WDR83: variants seen among roughly 807,000 people sequenced by gnomAD.
WDR83 encodes WD repeat domain-containing protein 83.
WDR83 carries 37 observed loss-of-function variants against 37.7 expected under a neutral mutation model. The observed-to-expected ratio is 0.98, with a 90% confidence interval of 0.76 to 1.29. WDR83 has a LOEUF of 1.29. Among genes scored for constraint, WDR83 ranks in the 50% most tolerant of loss-of-function variants. WDR83 has a pLI of 0.00. For missense variants in WDR83, 445 were observed against 414.4 expected (o/e 1.07, Z -0.64); for synonymous variants, 174 against 181.1 (o/e 0.96, Z 0.31).
chr19:12,667,697 T>C (rs768123782), intron 1 of WDR83, among the ~76,000 whole-genome samples: 2 of 152,084 alleles, frequency 1.3e-5, no homozygotes, highest in Non-Finnish European at 2.9e-5. Flanking sequence ...GTAGCACGCA[T>C]TTGTGGTCCC....
In WDR83 at chr19:12,670,194, G is replaced by A; in HGVS notation, c.239G>A (p.Ser80Asn). Residue 80 changes from serine (S) to asparagine (N), a missense_variant, in exon 5 of 11, where the codon AGT becomes AAT. Coordinates refer to ENST00000418543, the MANE Select transcript of WDR83 (RefSeq NM_001099737.3). Reference protein sequence around the residue: ...VLDAAGSFDNSSLCSGGGDKA... With the variant: ...VLDAAGSFDNNSLCSGGGDKA... Reference sequence around the variant, plus strand: ...CTTTACTCCAGCTCCTTTGACAACAGTAGTCTCTGCTCCGGCGGCGGGGAC... The same window carrying A: ...CTTTACTCCAGCTCCTTTGACAACAATAGTCTCTGCTCCGGCGGCGGGGAC... 1 of 1,614,010 alleles carries A rather than the reference G, an allele frequency of 6.2e-7. No individual in the cohort carries two copies. Among genetic ancestry groups the A allele is most frequent in the Non-Finnish European group, 8.5e-7 (1 of 1,179,966 alleles).
Position 12,675,729 on chromosome 19 carries a change from A to G in WDR83, c.*57A>G. 6.3e-7 allele frequency: 1 copy of G among 1,586,832 alleles called. No homozygotes were observed. The highest frequency in any genetic ancestry group is 2.3e-5 in the East Asian group (1 of 44,314). ...CGAGACACAGACATGGAAGGACTTC[A>G]GATACCATCTTATTCTAGAGACGTA... is the stretch of plus-strand genomic sequence containing the variant. On this transcript the variant is annotated 3_prime_UTR_variant, in exon 11 of 11. Coordinates refer to ENST00000418543, the MANE Select transcript of WDR83 (RefSeq NM_001099737.3).
At chr19:12,670,315 A>G (rs748092518) in intron 5 of WDR83, 30 bp downstream of exon 5, 1 of 1,607,476 alleles carries the variant, frequency 6.2e-7, no homozygotes, top group Non-Finnish European at 8.5e-7. Context: ...CCCTCATTTG[A>G]GTGGAGGGGA....
intron 2 of WDR83, chr19:12,669,480 T>C (rs567465053): frequency 6.6e-7 from 1 of 1,524,458 alleles, no homozygotes; most frequent in Non-Finnish European, 8.9e-7. Context: ...GGGCGGATTT[T>C]AGAGTAACAC....
chr19:12,672,893 C>G lies in WDR83; in HGVS notation c.553C>G (p.Leu185Val). ...VRRYDLRMGQ[L>V]FSDYVGSPIT... is the part of the protein sequence containing the mutation. ...ACGCTATGACCTAAGGATGGGGCAG[C>G]TCTTCTCAGACTACGTGGGCAGTGA... The change falls in exon 8 of 11, where the codon CTC becomes GTC. Residue 185 changes from leucine to valine, a missense_variant. Leu to Val is a conservative substitution (Grantham distance 32). Transcript: ENST00000418543. 2 of 1,597,834 alleles carry G rather than the reference C, an allele frequency of 1.3e-6. No homozygotes were observed. The highest frequency in any genetic ancestry group is 1.7e-6 in the Non-Finnish European group (2 of 1,172,152).
chr19:12,674,295 C>A (rs959818881), intron 10 of WDR83, among the ~76,000 whole-genome samples: 7 of 152,224 alleles, frequency 4.6e-5, no homozygotes, highest in Admixed American at 4.6e-4. Context: ...GCCCTGAGCC[C>A]TGTCCTTGAC....
In WDR83 at chr19:12,672,930, G is replaced by A. The variant is rs1210345184; in HGVS notation, c.574+16G>A. On this transcript the variant is annotated intron_variant, in intron 8 of 10. Transcript: ENST00000418543. Reference sequence around the variant, plus strand: ...TACGTGGGCAGTGAGTGTGGCTGGGGATGTGGGACAGGCAGGGAAGATGGG... The same window carrying A: ...TACGTGGGCAGTGAGTGTGGCTGGGAATGTGGGACAGGCAGGGAAGATGGG... 2.5e-6 allele frequency: 4 copies of A among 1,598,674 alleles called. No individual in the cohort carries two copies. The highest frequency in any genetic ancestry group is 1.7e-5 in the Admixed American group (1 of 57,228).
At chr19:12,668,650 G>A in intron 2 of WDR83, 23 bp downstream of exon 2, 1 of 1,585,010 alleles carries the variant, frequency 6.3e-7, no homozygotes, top group African/African-American at 1.3e-5. Context: ...GCAGGTTAGT[G>A]AAAGGCACAA....
At chr19:12,670,397 T>G in intron 5 of WDR83, 112 bp downstream of exon 5, 1 of 1,499,538 alleles carries the variant, frequency 6.7e-7, no homozygotes, top group Non-Finnish European at 9.1e-7. Flanking sequence ...CAGATGACGA[T>G]CCCCCACTCC....
Position 12,672,829 on chromosome 19 carries a change from A to G in WDR83, c.507-18A>G, listed in dbSNP as rs1185017124. The G allele has an allele frequency of 1.3e-6, 2 of 1,568,796 alleles. No individual in the cohort carries two copies. Among genetic ancestry groups the G allele is most frequent in the African/African-American group, 1.4e-5 (1 of 74,026 alleles). ...TGAGTGTAGTCAAGGTTCCCGCTGG[A>G]TCTACCCTCTCCTGCAGCTCCGTGG... is the stretch of plus-strand genomic sequence containing the variant. On this transcript the variant is annotated intron_variant, in intron 7 of 10. Coordinates refer to ENST00000418543, the MANE Select transcript of WDR83 (RefSeq NM_001099737.3).
chr19:12,671,525 G>A (rs904523720), intron 7 of WDR83, among the ~76,000 whole-genome samples: 1 of 151,596 alleles, frequency 6.6e-6, no homozygotes, highest in African/African-American at 2.4e-5. Flanking sequence ...AGTGGCAGGC[G>A]CCTGTAGTCC....
Position 12,668,564 on chromosome 19 carries a change from G to T in WDR83, c.-100G>T. On this transcript the variant is annotated 5_prime_UTR_variant, in exon 2 of 11. Coordinates refer to ENST00000418543, the MANE Select transcript of WDR83 (RefSeq NM_001099737.3). ...GCTTCGTGTCCTCCGAGCTCCGAGAGTTGGCAAAGCTGATGAAGGAGCAGT... is the reference window on the plus strand; with the variant it reads ...GCTTCGTGTCCTCCGAGCTCCGAGATTTGGCAAAGCTGATGAAGGAGCAGT... 1.9e-6 allele frequency: 3 copies of T among 1,614,156 alleles called. No individual in the cohort carries two copies. The highest frequency in any genetic ancestry group is 1.7e-6 in the Non-Finnish European group (2 of 1,180,024).
chr19:12,674,737 G>A (rs1488634898), intron 10 of WDR83, among the ~76,000 whole-genome samples: 1 of 152,128 alleles, frequency 6.6e-6, no homozygotes, highest in Non-Finnish European at 1.5e-5. Flanking sequence ...TCCAAACATG[G>A]TAGTGGCAGA....
chr19:12,670,652 C>G, intron 6 of WDR83, 41 bp downstream of exon 6: 1 of 1,614,224 alleles, frequency 6.2e-7, no homozygotes, highest in Non-Finnish European at 8.5e-7. Context: ...GGGTGCTGCC[C>G]TCCCCCTCCA....
In WDR83 at chr19:12,670,048, C is replaced by T. The variant is rs781697817; in HGVS notation, c.175C>T (p.Leu59=). 6.2e-7 allele frequency: 1 copy of T among 1,613,168 alleles called. No homozygotes were observed. The highest frequency in any genetic ancestry group is 1.1e-5 in the South Asian group (1 of 91,054). ...GCTGTGGAACCCGCTTCGGGGGACG[C>T]TGCTGCGGACGTACAGCGGCCACGG... ...LKLWNPLRGT[L]LRTYSGHGYE... is the part of the protein sequence containing the mutation. The change falls in exon 4 of 11, where the codon CTG becomes TTG. Residue 59 remains leucine, a synonymous_variant. Coordinates refer to ENST00000418543, the MANE Select transcript of WDR83 (RefSeq NM_001099737.3).
In WDR83 at chr19:12,670,252, G is replaced by A; in HGVS notation, c.297G>A (p.Gly99=). 1 of 1,614,174 alleles carries A rather than the reference G, an allele frequency of 6.2e-7. No homozygotes were observed. Among genetic ancestry groups the A allele is most frequent in the Non-Finnish European group, 8.5e-7 (1 of 1,180,024 alleles). ...KAVVLWDVAS[G]QVVRKFRGHA... is the part of the protein sequence containing the mutation. Reference sequence around the variant, plus strand: ...TGGTTCTGTGGGATGTGGCATCAGGGCAGGTCGTGCGCAAATTCCGGGGCC... The same window carrying A: ...TGGTTCTGTGGGATGTGGCATCAGGACAGGTCGTGCGCAAATTCCGGGGCC... The change falls in exon 5 of 11, where the codon GGG becomes GGA. Residue 99 remains glycine (G), a synonymous_variant. Transcript: ENST00000418543.
At chr19:12,672,625 A>C (rs961999631) in intron 7 of WDR83, 8 of 570,498 alleles carry the variant, frequency 1.4e-5, no homozygotes, top group Non-Finnish European at 2.5e-5. Flanking sequence ...AAGGAAGAAA[A>C]GGGGGAATCA....
In WDR83 at chr19:12,673,183, C is replaced by T. The variant is rs557273754; in HGVS notation, c.684-19C>T. On this transcript the variant is annotated intron_variant, in intron 9 of 10. Coordinates refer to ENST00000418543, the MANE Select transcript of WDR83 (RefSeq NM_001099737.3). ...CACCCCTGGAGAGGACCAAGCCCCC[C>T]GATCCTGTCCACCCTTAGGTACAAG... The T allele has an allele frequency of 1.4e-5, 22 of 1,613,708 alleles. 1 individual carries two copies. The highest frequency in any genetic ancestry group is 7.7e-5 in the South Asian group (7 of 91,070).
At chr19:12,667,814 C>G (rs2024296465) in intron 1 of WDR83, among the ~76,000 whole-genome samples, 1 of 151,638 alleles carries the variant, frequency 6.6e-6, no homozygotes, top group Non-Finnish European at 1.5e-5. Context: ...AGATCAAGAC[C>G]ATTTTCTTTC....
Sources: gnomAD v4.1 joint callset for allele counts (sites outside exome capture counted in the v4.1 genomes callset) on GRCh38, gnomAD v4.1.1 for gene constraint, MANE v1.5 for transcripts, NCBI Gene and HGNC (gene_info 2026-07-23, HGNC 2026-07-21) for gene names.